Variants in ELFN2 observed in about 807,000 individuals in gnomAD.
The protein encoded by ELFN2 is protein phosphatase 1 regulatory subunit 29.
In ELFN2, 17 loss-of-function variants were observed where a neutral mutation model predicts 45.5. That is an observed-to-expected ratio of 0.37 (90% CI 0.26 to 0.56). The LOEUF is 0.56. Among genes scored for constraint, ELFN2 ranks in the 20% least tolerant of loss-of-function variants. The probability of loss-of-function intolerance (pLI) is 0.77; values close to 1 mark genes in which losing one functional copy is unlikely to be tolerated. For synonymous variants in ELFN2, 550 were observed against 551.5 expected (o/e 1.00, Z 0.04); for missense variants, 922 against 1,183.2 (o/e 0.78, Z 3.24).
intron 2 of ELFN2, among the ~76,000 whole-genome samples, chr22:37,396,304 T>C (rs543908524): frequency 1.4e-4 from 22 of 152,326 alleles, no homozygotes; most frequent in Non-Finnish European, 3.1e-4. Flanking sequence ...TGCTTCTGTA[T>C]TGCACACCCC....
chr22:37,354,503 C>T (rs1020806046), intron 1 of ELFN2: 2 of 152,120 alleles, frequency 1.3e-5, no homozygotes, highest in Admixed American at 6.6e-5. Flanking sequence ...TTTTTCTATG[C>T]GATTCTATGG....
At position 37,353,019 on chromosome 22, in the gene ELFN2, GA is replaced by G. The variant is rs1569125857; in HGVS notation, n.149-10317del. On this transcript the variant is annotated intron_variant and non_coding_transcript_variant, in intron 1 of 2. Transcript: ENST00000452946. ...CAGAGAAGTGGCTCTGGCCTACACA[GA>G]GACCACAGGAAGGGGTCTACTCAAT... is the stretch of plus-strand genomic sequence containing the variant. 2 of 150,802 alleles carry G rather than the reference GA, an allele frequency of 1.3e-5. 1 individual carries two copies. The highest frequency in any genetic ancestry group is 3.0e-5 in the Non-Finnish European group (2 of 67,258). The allele number at this position is 150,802 out of a possible 1,614,324, so 9.3% of individuals were successfully genotyped here.
chr22:37,422,662 C>T (rs532203896), intron 1 of ELFN2, among the ~76,000 whole-genome samples: 38 of 152,188 alleles, frequency 2.5e-4, no homozygotes, highest in African/African-American at 9.2e-4. Context: ...AGCACAATCT[C>T]GGCTCACTGC....
At chr22:37,354,092 C>A (rs913485901) in intron 1 of ELFN2, 3 of 152,252 alleles carry the variant, frequency 2.0e-5, no homozygotes, top group African/African-American at 7.2e-5. Flanking sequence ...CTGCTCCGAT[C>A]CACATGAATG....
At chr22:37,403,832 C>T (rs994765106) in intron 2 of ELFN2, among the ~76,000 whole-genome samples, 9 of 152,220 alleles carry the variant, frequency 5.9e-5, no homozygotes, top group African/African-American at 2.2e-4. Context: ...GACCACAGGC[C>T]CCAGAATGAG....
At chr22:37,342,516 C>G (rs997569033) in intron 2 of ELFN2, 3 of 152,192 alleles carry the variant, frequency 2.0e-5, no homozygotes, top group African/African-American at 7.2e-5. Flanking sequence ...GAGGTGCAGC[C>G]CGGTCCTGTG....
At position 37,374,458 on chromosome 22, in the gene ELFN2, G is replaced by A; in HGVS notation, c.1077C>T (p.Phe359=). 1 of 1,614,206 alleles carries A rather than the reference G, an allele frequency of 6.2e-7. No homozygotes were observed. Among genetic ancestry groups the A allele is most frequent in the Non-Finnish European group, 8.5e-7 (1 of 1,180,038 alleles). The change falls in exon 3 of 3, where the codon TTC becomes TTT. Residue 359 remains phenylalanine, a synonymous_variant. Coordinates refer to ENST00000402918, the MANE Select transcript of ELFN2 (RefSeq NM_052906.5). ...GGCTGTTGCGCAGCGAGGTCACGCAGAAGGTGTACTCAGTGTGCGCCCGCA... is the reference window on the plus strand; with the variant it reads ...GGCTGTTGCGCAGCGAGGTCACGCAAAAGGTGTACTCAGTGTGCGCCCGCA... ...DKLRAHTEYT[F]CVTSLRNSRR...
intron 2 of ELFN2, among the ~76,000 whole-genome samples, chr22:37,397,974 G>T (rs975180343): frequency 6.6e-6 from 1 of 152,206 alleles, no homozygotes; most frequent in Non-Finnish European, 1.5e-5. Flanking sequence ...GTCCCTGGGG[G>T]TGCGAGGCTG....
intron 2 of ELFN2, among the ~76,000 whole-genome samples, chr22:37,397,675 CA>C (rs1932251230): frequency 6.6e-6 from 1 of 152,216 alleles, no homozygotes; most frequent in Non-Finnish European, 1.5e-5. Flanking sequence ...CTCTCACTTC[CA>C]AATGAGGAAA....
rs1464130444 is a variant in ELFN2, at chr22:37,412,272, C to T, written c.-463+5497G>A. Among the ~76,000 whole-genome samples, 7 of 100,064 alleles carry T rather than the reference C, an allele frequency of 7.0e-5. No homozygotes were observed. In the East Asian group the frequency reaches 8.9e-4, roughly 13 times the overall value. 65.6% of individuals were successfully genotyped at this position (100,064 alleles called of 152,430 possible). ...CAGCCTGGGCAAACAAGCAAAACTCCGTCTCAAAAAAAAAAAAAAAAAAGA... is the reference window on the plus strand; with the variant it reads ...CAGCCTGGGCAAACAAGCAAAACTCTGTCTCAAAAAAAAAAAAAAAAAAGA... On this transcript the variant is annotated intron_variant, in intron 2 of 2. Coordinates refer to ENST00000402918, the MANE Select transcript of ELFN2 (RefSeq NM_052906.5).
At chr22:37,407,675 A>T (rs1174700280) in intron 2 of ELFN2, among the ~76,000 whole-genome samples, 1 of 151,950 alleles carries the variant, frequency 6.6e-6, no homozygotes, top group Non-Finnish European at 1.5e-5. Context: ...AGGTGGGCGG[A>T]TCACGAGGTC....
At chr22:37,352,094 G>T (rs1930835083) in intron 1 of ELFN2, 1 of 150,998 alleles carries the variant, frequency 6.6e-6, no homozygotes, top group Non-Finnish European at 1.5e-5. Context: ...GGAAGTGAAA[G>T]GTACACGCTC....
intron 1 of ELFN2, among the ~76,000 whole-genome samples, chr22:37,425,864 T>TACAC (rs1414202705): frequency 1.2e-5 from 1 of 85,286 alleles, no homozygotes; most frequent in East Asian, 2.8e-4. Context: ...GCCATGCACA[T>TACAC]ACACATACAC....
intron 1 of ELFN2, among the ~76,000 whole-genome samples, chr22:37,361,334 C>T (rs1443392932): frequency 2.0e-5 from 3 of 151,958 alleles, no homozygotes; most frequent in African/African-American, 7.3e-5. Context: ...AGCCCCCCTC[C>T]TCCCTACCCC....
At chr22:37,362,183 G>A (rs1022967187) in intron 1 of ELFN2, among the ~76,000 whole-genome samples, 10 of 152,208 alleles carry the variant, frequency 6.6e-5, no homozygotes, top group Non-Finnish European at 1.3e-4. Context: ...TCAGCCCGTG[G>A]GGAAGAGCAG....
At position 37,376,240 on chromosome 22, in the gene ELFN2, C is replaced by T. The variant is rs192449917; in HGVS notation, c.-462-244G>A. On this transcript the variant is annotated intron_variant, in intron 2 of 2. Coordinates refer to ENST00000402918, the MANE Select transcript of ELFN2 (RefSeq NM_052906.5). ...AGAATAGGGGGAGTAGGGGCAGAGA[C>T]TGAGGATCATGGGCACAGAAGGGAC... Among the ~76,000 whole-genome samples the T allele has an allele frequency of 5.1e-3, 772 of 152,142 alleles. 3 individuals carry two copies. Among genetic ancestry groups the T allele is most frequent in the African/African-American group, 0.018 (727 of 41,496 alleles).
intron 2 of ELFN2, among the ~76,000 whole-genome samples, chr22:37,416,505 T>C (rs1932760775): frequency 6.6e-6 from 1 of 152,036 alleles, no homozygotes; most frequent in Admixed American, 6.5e-5. Context: ...TGTGCCCAGA[T>C]GAGAGACTTA....
rs988444692 is a variant in ELFN2, at chr22:37,344,647, G to C, written n.149-1944C>G. ...TGCTGTGACCCACTGTGGCCACACT[G>C]TCTCTACCCCCCTTCCACAAGAGAC... On this transcript the variant is annotated intron_variant and non_coding_transcript_variant, in intron 1 of 2. Transcript: ENST00000452946. Among the ~76,000 whole-genome samples, 9 of 152,258 alleles carry C rather than the reference G, an allele frequency of 5.9e-5. No individual in the cohort carries two copies. The East Asian group carries it at 1.6e-3, about 26-fold the overall frequency.
chr22:37,366,612 A>G (rs1190444763), downstream of ELFN2, among the ~76,000 whole-genome samples: 2 of 152,218 alleles, frequency 1.3e-5, no homozygotes, highest in Non-Finnish European at 2.9e-5. Context: ...CGGGGACCAT[A>G]GGGCAGCCCC....
Sources: gnomAD v4.1 joint callset for allele counts (sites outside exome capture counted in the v4.1 genomes callset) on GRCh38, gnomAD v4.1.1 for gene constraint, MANE v1.5 for transcripts, NCBI Gene and HGNC (gene_info 2026-07-23, HGNC 2026-07-21) for gene names.